ATP8B2: variants seen among roughly 807,000 people sequenced by gnomAD.
The protein encoded by ATP8B2 is phospholipid-transporting ATPase ID.
In ATP8B2, 70 loss-of-function variants were observed where a neutral mutation model predicts 133.4. The ratio of observed to expected loss-of-function variants is 0.52; its 90% CI spans 0.43 to 0.64. The LOEUF (loss-of-function observed/expected upper bound fraction) is 0.64, where lower values mean the gene tolerates loss of function less well. Among genes scored for constraint, ATP8B2 ranks in the 30% least tolerant of loss-of-function variants. The pLI is 0.00. For synonymous variants in ATP8B2, 517 were observed against 589.5 expected (o/e 0.88, Z 1.78); for missense variants, 1,101 against 1,535.7 (o/e 0.72, Z 4.73).
rs572252222 is a variant in ATP8B2 at position 154,334,967 on chromosome 1, T to C, written c.837+376T>C. On this transcript the variant is annotated intron_variant, in intron 11 of 27. Transcript: ENST00000368489. The surrounding 1 kb of genome is among the most constrained non-coding windows in gnomAD (Gnocchi z 4.6). ...ATTTGGAAGAGGTTGGCAGGGTCTT[T>C]TCCCCCCAACTTCTAAGAACGAAGG... is the stretch of plus-strand genomic sequence containing the variant. Among the ~76,000 whole-genome samples, 55 of 152,290 alleles carry C rather than the reference T, an allele frequency of 3.6e-4. No homozygotes were observed. Among genetic ancestry groups the C allele is most frequent in the African/African-American group, 1.2e-3 (49 of 41,564 alleles).
In ATP8B2 at chr1:154,334,625, C is replaced by A. The variant is rs979929743; in HGVS notation, c.837+34C>A. ...CCCCACATCTGGCTCCCTGCCCCTG[C>A]CCTCTCTTCTCCTTGGGTGCTCCTT... On this transcript the variant is annotated intron_variant, in intron 11 of 27. Coordinates refer to ENST00000368489, the MANE Select transcript of ATP8B2 (RefSeq NM_001370597.1). The surrounding 1 kb of genome is among the most constrained non-coding windows in gnomAD (Gnocchi z 4.6). 1.9e-6 allele frequency: 3 copies of A among 1,563,792 alleles called. No homozygotes were observed. The highest frequency in any genetic ancestry group is 2.6e-6 in the Non-Finnish European group (3 of 1,135,226).
Position 154,345,319 on chromosome 1 carries a change from C to T in ATP8B2, c.2471-3C>T, listed in dbSNP as rs1430397543. 2 of 1,613,770 alleles carry T rather than the reference C, an allele frequency of 1.2e-6. No individual in the cohort carries two copies. Among genetic ancestry groups the T allele is most frequent in the South Asian group, 1.1e-5 (1 of 91,068 alleles). On this transcript the variant is annotated splice_polypyrimidine_tract_variant and splice_region_variant and intron_variant, in intron 22 of 27. Coordinates refer to ENST00000368489, the MANE Select transcript of ATP8B2 (RefSeq NM_001370597.1). The surrounding 1 kb of genome is among the most constrained non-coding windows in gnomAD (Gnocchi z 5.6). ...ACCCTCTTGTCATCTCTTGTCTCTG[C>T]AGCGGCTCACATTGGTGTGGGGATC...
Position 154,334,555 on chromosome 1 carries a change from G to T in ATP8B2, c.801G>T (p.Thr267=), listed in dbSNP as rs748760558. The change falls in exon 11 of 28, where the codon ACG becomes ACT. Residue 267 remains threonine (T), a synonymous_variant. Transcript: ENST00000368489. This position sits in a 1 kb window ranked among gnomAD's most constrained non-coding sequence, Gnocchi z 4.6. The part of the protein sequence containing the change: ...QNSGRTKFKR[T]SIDRLMNTLV... ...GCGGCAGAACAAAGTTCAAAAGAAC[G>T]AGTATCGATCGCCTAATGAATACCC... 1.2e-6 allele frequency: 2 copies of T among 1,613,884 alleles called. No homozygotes were observed. The highest frequency in any genetic ancestry group is 2.2e-5 in the South Asian group (2 of 91,052).
intron 3 of ATP8B2, 49 bp from the exon 4 acceptor site, chr1:154,330,766 C>A: frequency 6.6e-7 from 1 of 1,507,176 alleles, no homozygotes; most frequent in Non-Finnish European, 9.2e-7. Flanking sequence ...CAGTCTGGTT[C>A]TGGGTTGGGA....
intron 26 of ATP8B2, among the ~76,000 whole-genome samples, chr1:154,347,619 G>C (rs1686627385): frequency 6.6e-6 from 1 of 152,066 alleles, no homozygotes; most frequent in Non-Finnish European, 1.5e-5. Flanking sequence ...AGAGTAAAAG[G>C]CCGTGAGATT....
rs749516495 is a variant in ATP8B2 at position 154,344,365 on chromosome 1, G to C, written c.2036-30G>C. On this transcript the variant is annotated intron_variant, in intron 19 of 27. Coordinates refer to ENST00000368489, the MANE Select transcript of ATP8B2 (RefSeq NM_001370597.1). The surrounding 1 kb of genome is among the most constrained non-coding windows in gnomAD (Gnocchi z 4.1). ...AGTGTGCTGACCTTGTTGGGTGCCT[G>C]TCCGTAGCTCCTGCGTTCTCTCTTG... 1.9e-6 allele frequency: 3 copies of C among 1,614,144 alleles called. No homozygotes were observed. The highest frequency in any genetic ancestry group is 2.2e-5 in the South Asian group (2 of 91,088).
chr1:154,328,258 T>A lies in ATP8B2; in HGVS notation c.31+86T>A. Reference sequence around the variant, plus strand: ...AGGGAGCAAAAGGAAAAGGGACAACTGGTATGGGTCTGAGGGAGGGTAGCT... The same window carrying A: ...AGGGAGCAAAAGGAAAAGGGACAACAGGTATGGGTCTGAGGGAGGGTAGCT... On this transcript the variant is annotated intron_variant, in intron 2 of 27. Coordinates refer to ENST00000368489, the MANE Select transcript of ATP8B2 (RefSeq NM_001370597.1). This position sits in a 1 kb window ranked among gnomAD's most constrained non-coding sequence, Gnocchi z 4.6. The A allele has an allele frequency of 7.1e-7, 1 of 1,406,738 alleles. No individual in the cohort carries two copies. Among genetic ancestry groups the A allele is most frequent in the Non-Finnish European group, 1.0e-6 (1 of 993,736 alleles). The allele number at this position is 1,406,738 out of a possible 1,614,324, so 87.1% of individuals were successfully genotyped here. A position where few individuals can be genotyped will look rare whatever the true frequency, so the allele number is the denominator to read the frequency against.
intron 11 of ATP8B2, among the ~76,000 whole-genome samples, chr1:154,335,615 T>C (rs1686151555): frequency 1.3e-5 from 2 of 151,970 alleles, no homozygotes; most frequent in African/African-American, 4.8e-5. Context: ...TTGCTTGGCC[T>C]GGGAGATTGA....
rs1685878355 is a variant in ATP8B2, at chr1:154,328,740, A to G, written c.31+568A>G. 1.0e-6 allele frequency: 1 copy of G among 960,500 alleles called. No homozygotes were observed. Among genetic ancestry groups the G allele is most frequent in the Non-Finnish European group, 1.2e-6 (1 of 805,938 alleles). The allele number at this position is 960,500 out of a possible 1,614,324, so 59.5% of individuals were successfully genotyped here. A position where few individuals can be genotyped will look rare whatever the true frequency, so the allele number is the denominator to read the frequency against. On this transcript the variant is annotated intron_variant, in intron 2 of 27. Coordinates refer to ENST00000368489, the MANE Select transcript of ATP8B2 (RefSeq NM_001370597.1). The surrounding 1 kb of genome is among the most constrained non-coding windows in gnomAD (Gnocchi z 4.6). ...GGGCGTGCTCGGCGTGTCCGGGGCC[A>G]CTCAGCGCACGCTGGCATCCGCCGG...
chr1:154,330,606 G>A, intron 3 of ATP8B2, 152 bp downstream of exon 3: 1 of 847,706 alleles, frequency 1.2e-6, no homozygotes, highest in Non-Finnish European at 1.9e-6. Flanking sequence ...CTATCGTGCT[G>A]AATTTTTCAT....
chr1:154,349,896 G>A lies in ATP8B2; in HGVS notation c.*778G>A, dbSNP rs1358608760. 6.6e-6 allele frequency: 1 copy of A among 152,488 alleles called. No homozygotes were observed. Among genetic ancestry groups the A allele is most frequent in the East Asian group, 1.9e-4 (1 of 5,176 alleles). 9.4% of individuals were successfully genotyped at this position (152,488 alleles called of 1,614,324 possible). A position where few individuals can be genotyped will look rare whatever the true frequency, so the allele number is the denominator to read the frequency against. ...GGTCCTGTCTGCTTCCTCACCTTGA[G>A]AGTAAAGTGCTGCCCTCTGCCCCCA... On this transcript the variant is annotated 3_prime_UTR_variant, in exon 28 of 28. Transcript: ENST00000368489.
intron 12 of ATP8B2, among the ~76,000 whole-genome samples, chr1:154,339,936 CT>C (rs1011784894): frequency 6.6e-5 from 10 of 152,150 alleles, no homozygotes; most frequent in African/African-American, 2.4e-4. Context: ...AATCCCAGCA[CT>C]TTGGGCGGTG....
rs1194585 is a variant in ATP8B2, at chr1:154,346,088, G to C, written c.2779-143G>C. 1.9e-5 allele frequency: 24 copies of C among 1,254,818 alleles called. No individual in the cohort carries two copies. Among genetic ancestry groups the C allele is most frequent in the Non-Finnish European group, 2.5e-5 (22 of 888,734 alleles). 77.7% of individuals were successfully genotyped at this position (1,254,818 alleles called of 1,614,324 possible). On this transcript the variant is annotated intron_variant, in intron 24 of 27. Transcript: ENST00000368489. This position sits in a 1 kb window ranked among gnomAD's most constrained non-coding sequence, Gnocchi z 4.5. ...GGGTTGCTGAACTAAGTTAGTCTGG[G>C]GGTAGCTGGCTTGAGGTTGGTTCTA...
At chr1:154,348,717 C>A in intron 27 of ATP8B2, 123 bp from the exon 28 acceptor site, 2 of 1,385,092 alleles carry the variant, frequency 1.4e-6, no homozygotes, top group South Asian at 1.4e-5. Flanking sequence ...TCAGCCTGGT[C>A]CCAGGTGCTG....
rs1284968299 is a variant in ATP8B2, at chr1:154,344,018, G to C, written c.1884G>C (p.Arg628Ser). The change falls in exon 18 of 28, where the codon AGG becomes AGC. Residue 628 changes from arginine to serine, a missense_variant. By Grantham distance (110) the Arg-to-Ser change is moderately radical. Transcript: ENST00000368489. The surrounding 1 kb of genome is among the most constrained non-coding windows in gnomAD (Gnocchi z 4.1). ...ASLAQDSRED[R>S]LASIYEEVEN... is the part of the protein sequence containing the mutation. ...TGGCCCAGGACAGCCGGGAGGACAG[G>C]CTGGCTAGCATCTATGAGGAGGTTG... 2.5e-6 allele frequency: 4 copies of C among 1,614,136 alleles called. No individual in the cohort carries two copies. Among genetic ancestry groups the C allele is most frequent in the Non-Finnish European group, 3.4e-6 (4 of 1,179,986 alleles).
intron 15 of ATP8B2, 34 bp downstream of exon 15, chr1:154,342,995 C>G (rs756640150): frequency 1.9e-6 from 3 of 1,609,320 alleles, no homozygotes; most frequent in African/African-American, 2.7e-5. Context: ...CTCTCCTGAC[C>G]TGACTCTGCC....
In ATP8B2 at chr1:154,348,838, A is replaced by C; in HGVS notation, c.3295-2A>C. On this transcript the variant is annotated splice_acceptor_variant, in intron 27 of 27. Coordinates refer to ENST00000368489, the MANE Select transcript of ATP8B2 (RefSeq NM_001370597.1). LOFTEE classifies it high-confidence loss of function. The stretch of plus-strand genomic sequence containing the variant: ...AGGGCTCTTCCCTGTGCCCCTCTGC[A>C]GGTCCGCTACACACAGCTCGTGAGG... 6.3e-7 allele frequency: 1 copy of C among 1,590,336 alleles called. No individual in the cohort carries two copies. Among genetic ancestry groups the C allele is most frequent in the Non-Finnish European group, 8.6e-7 (1 of 1,163,980 alleles).
Position 154,331,031 on chromosome 1 carries a change from CTCTT to C in ATP8B2, c.205-11_205-8del. 1.2e-6 allele frequency: 2 copies of C among 1,610,950 alleles called. No homozygotes were observed. The highest frequency in any genetic ancestry group is 1.7e-6 in the Non-Finnish European group (2 of 1,177,198). On this transcript the variant is annotated splice_polypyrimidine_tract_variant and intron_variant, in intron 4 of 27. Transcript: ENST00000368489. The surrounding 1 kb of genome is among the most constrained non-coding windows in gnomAD (Gnocchi z 4.8). ...CAGATGGGGCCTCAGAGGCATACTT[CTCTT>C]TCTTTTTTTCAGTTGATCCCCCAGA...
intron 8 of ATP8B2, among the ~76,000 whole-genome samples, chr1:154,332,294 G>T (rs1686019514): frequency 6.6e-6 from 1 of 152,218 alleles, no homozygotes; most frequent in Admixed American, 6.5e-5. Context: ...AGCACTTTGG[G>T]AGGCCAGTGT....
Sources: gnomAD v4.1 joint callset for allele counts (sites outside exome capture counted in the v4.1 genomes callset) on GRCh38, gnomAD v4.1.1 for gene constraint, Gnocchi (gnomAD v3.1) non-coding constraint, MANE v1.5 for transcripts, NCBI Gene and HGNC (gene_info 2026-07-23, HGNC 2026-07-21) for gene names.